The following BBS2 variants were observed in gnomAD, a reference collection of about 807,000 sequenced individuals.
BBS2 encodes the protein BBSome complex member BBS2.
In BBS2, 62 loss-of-function variants were observed where a neutral mutation model predicts 83.0. That is an observed-to-expected ratio of 0.75 (90% CI 0.61 to 0.92). The LOEUF (loss-of-function observed/expected upper bound fraction) is 0.92. Among genes scored for constraint, BBS2 ranks in the 40% least tolerant of loss-of-function variants. The pLI is 0.00. For missense variants in BBS2, 784 were observed against 901.0 expected (o/e 0.87, Z 1.66); for synonymous variants, 303 against 326.1 (o/e 0.93, Z 0.76).
At chr16:56,479,368 G>A (rs1963602092), downstream of BBS2, among the ~76,000 whole-genome samples, 1 of 152,174 alleles carries the variant, frequency 6.6e-6, no homozygotes, top group African/African-American at 2.4e-5. Context: ...CAGGTACTTG[G>A]GAGGCTGAGG....
intron 17 of BBS2, chr16:56,475,614 T>G (rs1596993227): frequency 6.4e-7 from 1 of 1,556,484 alleles, no homozygotes; most frequent in Non-Finnish European, 8.9e-7. Flanking sequence ...TTGAGAATGC[T>G]TTCATTTTTC....
At chr16:56,503,070 G>A (rs1258310713) in intron 7 of BBS2, among the ~76,000 whole-genome samples, 2 of 152,102 alleles carry the variant, frequency 1.3e-5, no homozygotes, top group East Asian at 3.8e-4. Flanking sequence ...TTGAAGAAAC[G>A]GGTCTGCTAA....
chr16:56,491,205 T>C (rs1361208144), intron 15 of BBS2, among the ~76,000 whole-genome samples: 3 of 152,294 alleles, frequency 2.0e-5, no homozygotes, highest in African/African-American at 7.2e-5. Context: ...CCAAAACTCA[T>C]GTTGAAGTTG....
At position 56,514,449 on chromosome 16, in the gene BBS2, T is replaced by G. The variant is rs749718244; in HGVS notation, c.345+4A>C. On this transcript the variant is annotated splice_donor_region_variant and intron_variant, in intron 2 of 16. Transcript: ENST00000245157. ...AATTTTATGGTTATAAAGGTTATAC[T>G]TGCCTCTCTGTAGAACAAATCCGAA... 2 of 1,612,324 alleles carry G rather than the reference T, an allele frequency of 1.2e-6. No homozygotes were observed. The highest frequency in any genetic ancestry group is 1.7e-6 in the Non-Finnish European group (2 of 1,178,470).
At chr16:56,501,277 G>C in intron 10 of BBS2, 76 bp downstream of exon 10, 1 of 1,535,678 alleles carries the variant, frequency 6.5e-7, no homozygotes, top group East Asian at 2.3e-5. Context: ...GGAAGACTCT[G>C]TCTCAAAAAA....
chr16:56,511,074 T>G (rs1435571655), intron 3 of BBS2, 85 bp downstream of exon 3: 1 of 1,582,708 alleles, frequency 6.3e-7, no homozygotes, highest in Non-Finnish European at 8.7e-7. Flanking sequence ...ATAAATATTA[T>G]TACTCAGTAG....
chr16:56,501,601 A>G (rs1371028960), intron 9 of BBS2, 104 bp from the exon 10 acceptor site: 1 of 1,390,094 alleles, frequency 7.2e-7, no homozygotes, highest in Non-Finnish European at 1.0e-6. Flanking sequence ...AGCCTCCAGC[A>G]TATTATTATT....
intron 17 of BBS2, chr16:56,475,490 T>C (rs370446746): frequency 5.1e-5 from 82 of 1,613,212 alleles, no homozygotes; most frequent in Non-Finnish European, 6.4e-5. Context: ...GAATGCTGTT[T>C]GTTTTTCTCT....
chr16:56,498,006 A>G, intron 13 of BBS2, 126 bp from the exon 14 acceptor site: 1 of 1,034,352 alleles, frequency 9.7e-7, no homozygotes, highest in Non-Finnish European at 1.4e-6. Flanking sequence ...GCAGTGTTGA[A>G]AAAGGAAAGT....
Position 56,494,684 on chromosome 16 carries a change from C to T in BBS2, c.1910+2283G>A, listed in dbSNP as rs113219413. Among the ~76,000 whole-genome samples, 352 of 152,238 alleles carry T rather than the reference C, an allele frequency of 2.3e-3. 2 individuals carry two copies. Among genetic ancestry groups the T allele is most frequent in the African/African-American group, 7.9e-3 (329 of 41,550 alleles). On this transcript the variant is annotated intron_variant, in intron 15 of 16. Transcript: ENST00000245157. ...ACTGGAAAATCTAGCCGTAAAAGGC[C>T]GGGCGCAGTAGCTCACACCTGTAAT...
intron 5 of BBS2, among the ~76,000 whole-genome samples, chr16:56,508,768 C>T (rs151021644): frequency 0.035 from 5,281 of 152,008 alleles, 329 homozygotes; most frequent in African/African-American, 0.12. Context: ...GCCTCAGTCT[C>T]CCAAGCAGCT....
In BBS2 at chr16:56,506,040, A is replaced by C. The variant is rs1265021801; in HGVS notation, c.718-4T>G. ...TGCTCATGGCATGATTTTTCGACTG[A>C]AAAAGAATTTTAATAATTAGCACAG... On this transcript the variant is annotated splice_region_variant and splice_polypyrimidine_tract_variant and intron_variant, in intron 6 of 16. Transcript: ENST00000245157. The C allele has an allele frequency of 6.2e-7, 1 of 1,613,880 alleles. No individual in the cohort carries two copies. Among genetic ancestry groups the C allele is most frequent in the East Asian group, 2.2e-5 (1 of 44,864 alleles).
At chr16:56,497,341 T>C in intron 14 of BBS2, 1 of 533,176 alleles carries the variant, frequency 1.9e-6, no homozygotes, top group Non-Finnish European at 3.4e-6. Context: ...ATTAATATTT[T>C]AGGGATTTGC....
At chr16:56,502,626 C>G in intron 8 of BBS2, 47 bp downstream of exon 8, 1 of 1,613,950 alleles carries the variant, frequency 6.2e-7, no homozygotes, top group Non-Finnish European at 8.5e-7. Flanking sequence ...TTGACCCAAT[C>G]AAATGGAAAA....
intron 9 of BBS2, 21 bp downstream of exon 9, chr16:56,502,296 C>G (rs772387089): frequency 1.9e-6 from 3 of 1,613,986 alleles, no homozygotes; most frequent in South Asian, 2.2e-5. Flanking sequence ...ATTACCTGGT[C>G]ACATTAGGAC....
downstream of BBS2, among the ~76,000 whole-genome samples, chr16:56,480,130 C>CT (rs1392278899): frequency 3.3e-5 from 5 of 152,122 alleles, no homozygotes; most frequent in African/African-American, 4.8e-5. Flanking sequence ...AATAAAATGT[C>CT]TAAGGAAGTA....
intron 2 of BBS2, among the ~76,000 whole-genome samples, chr16:56,513,843 G>A (rs1964648702): frequency 3.3e-5 from 5 of 152,100 alleles, no homozygotes; most frequent in Non-Finnish European, 1.5e-5. Context: ...TTGTACATGT[G>A]AATCATATCT....
At chr16:56,505,557 G>C (rs1322189659) in intron 7 of BBS2, among the ~76,000 whole-genome samples, 1 of 140,548 alleles carries the variant, frequency 7.1e-6, no homozygotes, top group African/African-American at 2.5e-5. Context: ...ATGCTAACAT[G>C]ATTCTTCCTA....
intron 1 of BBS2, chr16:56,516,281 T>C (rs1383638906): frequency 6.6e-6 from 1 of 152,216 alleles, no homozygotes; most frequent in Non-Finnish European, 1.5e-5. Flanking sequence ...ACTTTTGTTC[T>C]AGCTGAGGAG....
Sources: gnomAD v4.1 joint callset for allele counts (sites outside exome capture counted in the v4.1 genomes callset) on GRCh38, gnomAD v4.1.1 for gene constraint, MANE v1.5 for transcripts, NCBI Gene and HGNC (gene_info 2026-07-23, HGNC 2026-07-21) for gene names.